The following VEGFC variants were observed in gnomAD, a reference collection of about 807,000 sequenced individuals.
The protein encoded by VEGFC is FLT4 ligand DHM.
VEGFC carries 12 observed loss-of-function variants against 46.1 expected under a neutral mutation model. The observed-to-expected ratio is 0.26, with a 90% CI of 0.17 to 0.42. VEGFC has a LOEUF of 0.42. Ranked by LOEUF, VEGFC falls within the 10% of genes least tolerant of loss-of-function variation. The pLI is 1.00. For synonymous variants in VEGFC, 232 were observed against 195.5 expected, an observed-to-expected ratio of 1.19 and a Z score of -1.56; for missense variants, 488 against 529.4, an observed-to-expected ratio of 0.92 and a Z score of 0.77.
rs548641814 is a variant in VEGFC, at chr4:176,749,058, A to T, written c.148-19312T>A. ...GTCAATAATGCAATAATCTCAACCT[A>T]AACTTAGATAATGCTAACAAAGACT... On this transcript the variant is annotated intron_variant, in intron 1 of 6. Transcript: ENST00000618562. Among the ~76,000 whole-genome samples, 368 of 152,162 alleles carry T rather than the reference A, an allele frequency of 2.4e-3. 2 individuals carry two copies. Among genetic ancestry groups the T allele is most frequent in the African/African-American group, 8.5e-3 (353 of 41,566 alleles).
At chr4:176,708,447 A>G (rs1734572707) in intron 4 of VEGFC, among the ~76,000 whole-genome samples, 1 of 152,182 alleles carries the variant, frequency 6.6e-6, no homozygotes, top group Admixed American at 6.5e-5. Context: ...AGATACATAT[A>G]GTATAAAGAC....
At chr4:176,749,670 AAAAAAT>A (rs1354915752) in intron 1 of VEGFC, among the ~76,000 whole-genome samples, 2 of 151,884 alleles carry the variant, frequency 1.3e-5, no homozygotes, top group African/African-American at 4.8e-5. Context: ...TCAAGAACAT[AAAAAAT>A]AAAATCTTAG....
chr4:176,729,570 T>C lies in VEGFC; in HGVS notation c.324A>G (p.Lys108=). Residue 108 remains lysine (K), a synonymous_variant, in exon 2 of 7, where the codon AAA becomes AAG. Coordinates refer to ENST00000618562, the MANE Select transcript of VEGFC (RefSeq NM_005429.5). ...NLNSRTEETI[K]FAAAHYNTEI... ...CTGTATTATAATGTGCTGCAGCAAATTTTATAGTCTCTTCTGTCCTTGAGT... is the reference window on the plus strand; with the variant it reads ...CTGTATTATAATGTGCTGCAGCAAACTTTATAGTCTCTTCTGTCCTTGAGT... 6.2e-7 allele frequency: 1 copy of C among 1,613,710 alleles called. No individual in the cohort carries two copies. Among genetic ancestry groups the C allele is most frequent in the East Asian group, 2.2e-5 (1 of 44,850 alleles).
chr4:176,750,419 T>C (rs1410432116), intron 1 of VEGFC, among the ~76,000 whole-genome samples: 1 of 151,654 alleles, frequency 6.6e-6, no homozygotes, highest in East Asian at 1.9e-4. Context: ...ATATACTATA[T>C]AGATACTAAC....
intron 1 of VEGFC, among the ~76,000 whole-genome samples, chr4:176,749,809 T>C (rs996849085): frequency 2.0e-5 from 3 of 151,728 alleles, no homozygotes; most frequent in Admixed American, 6.6e-5. Flanking sequence ...TCTTACATGA[T>C]TTTTTTCTTT....
At position 176,727,638 on chromosome 4, in the gene VEGFC, T is replaced by C. The variant is rs1003635139; in HGVS notation, c.552+140A>G. 5.6e-6 allele frequency: 4 copies of C among 712,016 alleles called. No individual in the cohort carries two copies. The African/African-American group carries it at 6.6e-5, about 12-fold the overall frequency. The allele number at this position is 712,016 out of a possible 1,614,324, so 44.1% of individuals were successfully genotyped here. On this transcript the variant is annotated intron_variant, in intron 3 of 6. Coordinates refer to ENST00000618562, the MANE Select transcript of VEGFC (RefSeq NM_005429.5). The stretch of plus-strand genomic sequence containing the variant: ...CACACAAAACACTGAAAAACTGACT[T>C]CATTCCCCTAAAGAAAATATGAGAC...
intron 1 of VEGFC, among the ~76,000 whole-genome samples, chr4:176,750,241 A>G (rs144888219): frequency 1.0e-3 from 152 of 151,914 alleles, no homozygotes; most frequent in South Asian, 4.3e-3. Context: ...TGAAGACCAC[A>G]GCCCTTACTG....
chr4:176,744,396 G>A (rs905363333), intron 1 of VEGFC, among the ~76,000 whole-genome samples: 1 of 151,916 alleles, frequency 6.6e-6, no homozygotes, highest in Non-Finnish European at 1.5e-5. Context: ...AAGTGTCCAG[G>A]GCTAACTTTT....
chr4:176,763,774 A>G (rs1272380385), intron 1 of VEGFC, among the ~76,000 whole-genome samples: 1 of 152,204 alleles, frequency 6.6e-6, no homozygotes, highest in African/African-American at 2.4e-5. Context: ...TACTAAATTT[A>G]CTATGTGATG....
In VEGFC at chr4:176,703,674, T is replaced by G. The variant is rs148041073; in HGVS notation, c.704+7825A>C. On this transcript the variant is annotated intron_variant, in intron 4 of 6. Transcript: ENST00000618562. ...TGATAAATGTTTGAGGTGATGGATA[T>G]CCAAAATATCCTGAGCTGACCATTA... Among the ~76,000 whole-genome samples the G allele has an allele frequency of 2.7e-3, 412 of 152,216 alleles. 4 individuals are homozygous for G. In the Middle Eastern group the frequency reaches 0.031, roughly 11 times the overall value.
intron 4 of VEGFC, among the ~76,000 whole-genome samples, chr4:176,692,343 G>A (rs1252925839): frequency 7.5e-6 from 1 of 133,822 alleles, no homozygotes; most frequent in Non-Finnish European, 1.5e-5. Flanking sequence ...GCAGTGAGCC[G>A]AGATCCCGCC....
intron 1 of VEGFC, among the ~76,000 whole-genome samples, chr4:176,779,777 A>G (rs1476463220): frequency 6.6e-6 from 1 of 152,198 alleles, no homozygotes; most frequent in Non-Finnish European, 1.5e-5. Context: ...TATCGATTTA[A>G]TTAACTCAAA....
At chr4:176,711,693 T>G in intron 3 of VEGFC, 43 bp from the exon 4 acceptor site, 3 of 1,598,460 alleles carry the variant, frequency 1.9e-6, no homozygotes, top group Non-Finnish European at 2.6e-6. Context: ...ATATAGATGC[T>G]GTAAAGCACT....
intron 1 of VEGFC, among the ~76,000 whole-genome samples, chr4:176,745,279 T>C (rs1284813652): frequency 1.3e-5 from 2 of 152,144 alleles, no homozygotes; most frequent in African/African-American, 4.8e-5. Context: ...AAAATGCATA[T>C]ATGTAATTTC....
At chr4:176,725,308 T>A (rs1734855520) in intron 3 of VEGFC, among the ~76,000 whole-genome samples, 1 of 151,932 alleles carries the variant, frequency 6.6e-6, no homozygotes, top group Non-Finnish European at 1.5e-5. Flanking sequence ...CTCTGTGGGG[T>A]TTTTTTGTTT....
intron 1 of VEGFC, among the ~76,000 whole-genome samples, chr4:176,766,603 A>C (rs1323544521): frequency 2.0e-5 from 3 of 146,892 alleles, no homozygotes; most frequent in Non-Finnish European, 4.5e-5. Flanking sequence ...AAAAAAAAAA[A>C]CAAGGAAAAG....
intron 1 of VEGFC, among the ~76,000 whole-genome samples, chr4:176,753,462 T>C (rs182113284): frequency 7.9e-5 from 12 of 152,136 alleles, no homozygotes; most frequent in African/African-American, 2.6e-4. Flanking sequence ...ATAGGGATGA[T>C]TTGTTTATTT....
At chr4:176,781,226 A>G (rs1437037488) in intron 1 of VEGFC, among the ~76,000 whole-genome samples, 2 of 152,202 alleles carry the variant, frequency 1.3e-5, no homozygotes, top group Non-Finnish European at 2.9e-5. Context: ...CTCAGAGAGA[A>G]CAAACAATGA....
intron 4 of VEGFC, among the ~76,000 whole-genome samples, chr4:176,702,150 T>C (rs1362298542): frequency 6.6e-6 from 1 of 152,098 alleles, no homozygotes; most frequent in Non-Finnish European, 1.5e-5. Flanking sequence ...CTTACTCTAT[T>C]CCTTGGAAAT....
Sources: gnomAD v4.1 joint callset for allele counts (sites outside exome capture counted in the v4.1 genomes callset) on GRCh38, gnomAD v4.1.1 for gene constraint, MANE v1.5 for transcripts, NCBI Gene and HGNC (gene_info 2026-07-23, HGNC 2026-07-21) for gene names.